DLGAP4: variants seen among roughly 807,000 people sequenced by gnomAD.
The protein encoded by DLGAP4 is DLG associated protein 4.
A neutral mutation model predicts 86.9 loss-of-function variants in DLGAP4; 18 were observed. The observed-to-expected ratio is 0.21, with a 90% CI of 0.14 to 0.31. The LOEUF (loss-of-function observed/expected upper bound fraction) is 0.31. DLGAP4 is among the 10% of genes least tolerant of loss of function. The pLI is 1.00. For missense variants in DLGAP4, 1,085 were observed against 1,362.6 expected (o/e 0.80, Z 3.21); for synonymous variants, 548 against 574.3 (o/e 0.95, Z 0.65).
chr20:36,428,835 T>C (rs1055415765), intron 2 of DLGAP4, among the ~76,000 whole-genome samples: 3 of 152,232 alleles, frequency 2.0e-5, no homozygotes, highest in African/African-American at 4.8e-5. Flanking sequence ...AGAATTCATC[T>C]CTTTTTTTGA....
intron 1 of DLGAP4, among the ~76,000 whole-genome samples, chr20:36,329,066 G>A (rs181054418): frequency 1.1e-4 from 17 of 152,200 alleles, no homozygotes; most frequent in Admixed American, 2.6e-4. Flanking sequence ...GAGCCATCGC[G>A]CCCGGCCTAA....
chr20:36,358,846 C>A (rs2030423298), intron 1 of DLGAP4, among the ~76,000 whole-genome samples: 1 of 152,114 alleles, frequency 6.6e-6, no homozygotes, highest in Non-Finnish European at 1.5e-5. Context: ...CTTGAAGGTG[C>A]TGGTCAGCCT....
intron 1 of DLGAP4, among the ~76,000 whole-genome samples, chr20:36,309,318 C>T (rs2065032867): frequency 2.0e-5 from 3 of 152,188 alleles, no homozygotes; most frequent in South Asian, 2.1e-4. Context: ...AGGGCAGGGT[C>T]GTGCCTGTCT....
At chr20:36,513,945 A>G (rs1259378763) in intron 10 of DLGAP4, among the ~76,000 whole-genome samples, 2 of 152,146 alleles carry the variant, frequency 1.3e-5, no homozygotes, top group East Asian at 1.9e-4. Context: ...AGGCAGTTGG[A>G]TATATGAGTC....
chr20:36,525,653 C>G, intron 11 of DLGAP4, 198 bp from the exon 12 acceptor site: 4 of 674,666 alleles, frequency 5.9e-6, no homozygotes, highest in Non-Finnish European at 9.9e-6. Context: ...GACTATCCCC[C>G]AAAGATCCCC....
chr20:36,339,816 G>A (rs2065359167), intron 1 of DLGAP4, among the ~76,000 whole-genome samples: 1 of 152,242 alleles, frequency 6.6e-6, no homozygotes, highest in Admixed American at 6.5e-5. Context: ...GAGAGGCAGA[G>A]CCAGTGCTGG....
chr20:36,317,333 T>C lies in DLGAP4; in HGVS notation c.-304+10821T>C, dbSNP rs1439319096. On this transcript the variant is annotated intron_variant, in intron 1 of 12. Coordinates refer to ENST00000339266, the MANE Select transcript of DLGAP4 (RefSeq NM_001365621.2). ...CCTTCCTTCCTTCCTTCCTTCCTCT[T>C]TCTCTCTTTCTTTCCTTCTCTCTTT... is the stretch of plus-strand genomic sequence containing the variant. Among the ~76,000 whole-genome samples, 32 of 140,006 alleles carry C rather than the reference T, an allele frequency of 2.3e-4. 1 individual carries two copies. Among genetic ancestry groups the C allele is most frequent in the African/African-American group, 6.8e-4 (26 of 38,270 alleles). 91.8% of individuals were successfully genotyped at this position (140,006 alleles called of 152,430 possible). A position where few individuals can be genotyped will look rare whatever the true frequency, so the allele number is the denominator to read the frequency against.
At chr20:36,327,233 C>G (rs1220577537) in intron 1 of DLGAP4, among the ~76,000 whole-genome samples, 2 of 152,034 alleles carry the variant, frequency 1.3e-5, no homozygotes, top group African/African-American at 4.8e-5. Context: ...CTCCTGACCT[C>G]AAGTGATTCA....
chr20:36,454,258 C>A (rs374240581), intron 7 of DLGAP4, among the ~76,000 whole-genome samples: 306 of 135,840 alleles, frequency 2.3e-3, no homozygotes, highest in Non-Finnish European at 2.3e-3. Context: ...GACTCTGTCT[C>A]AAAAAAAAAA....
intron 1 of DLGAP4, among the ~76,000 whole-genome samples, chr20:36,338,995 G>A (rs1555892278): frequency 6.6e-6 from 1 of 152,228 alleles, no homozygotes; most frequent in African/African-American, 2.4e-5. Context: ...AGAGGGGCTG[G>A]GGACTCAGCG....
At chr20:36,434,479 G>C (rs1439478014) in intron 3 of DLGAP4, among the ~76,000 whole-genome samples, 1 of 152,186 alleles carries the variant, frequency 6.6e-6, no homozygotes, top group Non-Finnish European at 1.5e-5. Context: ...GGTATAGTTG[G>C]GTCTGATCAT....
At chr20:36,425,043 G>A (rs568765016) in intron 2 of DLGAP4, among the ~76,000 whole-genome samples, 1 of 152,168 alleles carries the variant, frequency 6.6e-6, no homozygotes, top group African/African-American at 2.4e-5. Flanking sequence ...GCCAGGGGAT[G>A]CTGGGGGGAA....
At position 36,354,475 on chromosome 20, in the gene DLGAP4, C is replaced by A. The variant is rs369936582; in HGVS notation, c.-303-12570C>A. Among the ~76,000 whole-genome samples the A allele has an allele frequency of 9.9e-5, 15 of 152,258 alleles. No individual in the cohort carries two copies. In the East Asian group the frequency reaches 1.9e-3, roughly 20 times the overall value. On this transcript the variant is annotated intron_variant, in intron 1 of 12. Coordinates refer to ENST00000339266, the MANE Select transcript of DLGAP4 (RefSeq NM_001365621.2). ...CCGCAATTCAAAAGTTCCCTCTGTC[C>A]ATTTGTAGTTGCTCAGCACATCCGG...
chr20:36,476,344 TGG>T (rs2034923228), intron 7 of DLGAP4, among the ~76,000 whole-genome samples: 1 of 140,350 alleles, frequency 7.1e-6, no homozygotes, highest in African/African-American at 2.9e-5. Flanking sequence ...TTTTTTTTTT[TGG>T]AGACACAGTC....
In DLGAP4 at chr20:36,500,398, A is replaced by C; in HGVS notation, c.2299A>C (p.Asn767His). Residue 767 changes from asparagine (N) to histidine (H), a missense_variant, in exon 10 of 13, where the codon AAC becomes CAC. Physicochemically the swap from Asn to His is moderately conservative, Grantham distance 68. Around this residue, in one of 2 missense-constraint regions of DLGAP4, gnomAD observed 1,082 missense variants for 1,344.1 expected, o/e 0.81. Coordinates refer to ENST00000339266, the MANE Select transcript of DLGAP4 (RefSeq NM_001365621.2). The surrounding 1 kb of genome is among the most constrained non-coding windows in gnomAD (Gnocchi z 4.6). The stretch of plus-strand genomic sequence containing the variant: ...CAAGCGCAACCTCTCCTATGGAGAC[A>C]ACAGCGACCCTGCCCTAGAGGCGTC... Reference protein sequence around the residue: ...QIKRNLSYGDNSDPALEASSL... With the variant: ...QIKRNLSYGDHSDPALEASSL... 14 of 1,597,050 alleles carry C rather than the reference A, an allele frequency of 8.8e-6. No individual in the cohort carries two copies. The highest frequency in any genetic ancestry group is 2.2e-5 in the East Asian group (1 of 44,506).
intron 10 of DLGAP4, among the ~76,000 whole-genome samples, chr20:36,510,526 A>G (rs1337111841): frequency 2.0e-5 from 3 of 152,122 alleles, no homozygotes; most frequent in African/African-American, 7.2e-5. Flanking sequence ...CGGCCTCCCA[A>G]AGTGCTGGGA....
intron 7 of DLGAP4, among the ~76,000 whole-genome samples, chr20:36,459,594 T>G (rs905020418): frequency 1.3e-5 from 2 of 152,076 alleles, no homozygotes; most frequent in Non-Finnish European, 2.9e-5. Flanking sequence ...CCCAGGCTGG[T>G]CTTTTTTTAA....
At chr20:36,356,590 G>A (rs922840953) in intron 1 of DLGAP4, among the ~76,000 whole-genome samples, 37 of 151,868 alleles carry the variant, frequency 2.4e-4, no homozygotes, top group Admixed American at 2.2e-3. Context: ...GGATTACAGG[G>A]GTGAGCCACC....
At chr20:36,506,337 C>T (rs953411156) in intron 10 of DLGAP4, among the ~76,000 whole-genome samples, 1 of 152,188 alleles carries the variant, frequency 6.6e-6, no homozygotes, top group Non-Finnish European at 1.5e-5. Context: ...TCATACCAAA[C>T]GATATTGGTA....
Sources: allele counts gnomAD v4.1 joint callset (sites outside exome capture counted in the v4.1 genomes callset), GRCh38; gene constraint gnomAD v4.1.1; regional missense constraint gnomAD v4.1.1; non-coding constraint Gnocchi (gnomAD v3.1); transcripts MANE v1.5; gene names NCBI Gene and HGNC (gene_info 2026-07-23, HGNC 2026-07-21).